The following ADAM12 variants were observed in gnomAD, a reference collection of about 807,000 sequenced individuals.
The protein encoded by ADAM12 is ADAM metallopeptidase domain 12.
ADAM12 carries 70 observed loss-of-function variants against 106.4 expected under a neutral mutation model. The observed-to-expected ratio is 0.66, with a 90% CI of 0.54 to 0.80. The LOEUF (loss-of-function observed/expected upper bound fraction) is 0.80. Among genes scored for constraint, ADAM12 ranks in the 30% least tolerant of loss-of-function variants. The pLI is 0.00. For missense variants in ADAM12, 1,010 were observed against 1,171.9 expected (o/e 0.86, Z 2.02); for synonymous variants, 420 against 433.5 (o/e 0.97, Z 0.39).
intron 3 of ADAM12, among the ~76,000 whole-genome samples, chr10:126,265,943 T>C (rs1310657922): frequency 6.6e-6 from 1 of 152,196 alleles, no homozygotes; most frequent in Admixed American, 6.5e-5. Context: ...GGACATTTGA[T>C]AGTACTATAA....
chr10:126,349,973 T>C (rs1590812842), intron 1 of ADAM12, among the ~76,000 whole-genome samples: 1 of 152,224 alleles, frequency 6.6e-6, no homozygotes, highest in East Asian at 1.9e-4. Flanking sequence ...TATTTGTCTT[T>C]AGAGCCAAGA....
chr10:126,194,786 T>C (rs766157316), intron 3 of ADAM12, among the ~76,000 whole-genome samples: 5 of 152,202 alleles, frequency 3.3e-5, no homozygotes, highest in African/African-American at 4.8e-5. Context: ...TGTTTCTGTA[T>C]TTGCCTGTAA....
At chr10:126,142,533 A>C (rs904059156) in intron 4 of ADAM12, among the ~76,000 whole-genome samples, 4 of 152,230 alleles carry the variant, frequency 2.6e-5, no homozygotes, top group African/African-American at 9.6e-5. Flanking sequence ...TCCTTGCTCC[A>C]TTCTGGTAAA....
intron 1 of ADAM12, among the ~76,000 whole-genome samples, chr10:126,368,106 T>C (rs1287889879): frequency 6.6e-6 from 1 of 151,914 alleles, no homozygotes; most frequent in Non-Finnish European, 1.5e-5. Context: ...AACGTGTGCA[T>C]ATAAGTATAT....
intron 18 of ADAM12, chr10:126,041,295 C>T (rs1405335562): frequency 1.3e-5 from 13 of 983,716 alleles, no homozygotes; most frequent in Non-Finnish European, 1.4e-5. Flanking sequence ...CATGCTTGCT[C>T]ATGGCCTGCC....
intron 2 of ADAM12, among the ~76,000 whole-genome samples, chr10:126,315,876 C>T (rs1404987246): frequency 3.9e-5 from 6 of 152,348 alleles, no homozygotes; most frequent in Middle Eastern, 6.8e-3. Flanking sequence ...ACATGGGCAG[C>T]TAGTGTCTGG....
intron 3 of ADAM12, among the ~76,000 whole-genome samples, chr10:126,247,321 C>T (rs1478281969): frequency 6.6e-6 from 1 of 152,158 alleles, no homozygotes; most frequent in Non-Finnish European, 1.5e-5. Context: ...ATAATATTAA[C>T]TCTTCTCACC....
intron 4 of ADAM12, among the ~76,000 whole-genome samples, chr10:126,136,079 G>A (rs1269135189): frequency 3.5e-5 from 5 of 144,638 alleles, no homozygotes; most frequent in African/African-American, 1.0e-4. Flanking sequence ...CTAAATCTGT[G>A]GCTTATGAAA....
intron 1 of ADAM12, among the ~76,000 whole-genome samples, chr10:126,368,772 T>C (rs757906822): frequency 2.6e-5 from 4 of 151,814 alleles, no homozygotes; most frequent in African/African-American, 4.8e-5. Context: ...AAGTTTAAAA[T>C]GAGGGTAGAG....
In ADAM12 at chr10:126,013,931, G is replaced by A. The variant is rs1028004525; in HGVS notation, c.*3348C>T. 1.8e-4 allele frequency: 28 copies of A among 152,562 alleles called. No individual in the cohort carries two copies. Among genetic ancestry groups the A allele is most frequent in the African/African-American group, 6.5e-4 (27 of 41,562 alleles). 9.5% of individuals were successfully genotyped at this position (152,562 alleles called of 1,614,324 possible). On this transcript the variant is annotated 3_prime_UTR_variant, in exon 23 of 23. Coordinates refer to ENST00000448723, the MANE Select transcript of ADAM12 (RefSeq NM_001288973.2). This position sits in a 1 kb window ranked among gnomAD's most constrained non-coding sequence, Gnocchi z 4.3. ...ACTAGTGTTGGGAGACTTCTGGGAG[G>A]GATTGTGACTTTCAGCTGGGTAACT... is the stretch of plus-strand genomic sequence containing the variant.
intron 11 of ADAM12, among the ~76,000 whole-genome samples, chr10:126,081,810 T>C (rs1224362160): frequency 6.6e-6 from 1 of 152,236 alleles, no homozygotes; most frequent in Non-Finnish European, 1.5e-5. Flanking sequence ...TGTCTTTCTT[T>C]CTCCCATTGG....
intron 2 of ADAM12, among the ~76,000 whole-genome samples, chr10:126,310,973 T>G (rs1477046715): frequency 6.6e-6 from 1 of 152,094 alleles, no homozygotes; most frequent in African/African-American, 2.4e-5. Context: ...AATGCCAGTC[T>G]TCATTAAGGG....
At chr10:126,174,828 C>T (rs1439946863) in intron 3 of ADAM12, among the ~76,000 whole-genome samples, 1 of 151,584 alleles carries the variant, frequency 6.6e-6, no homozygotes, top group Non-Finnish European at 1.5e-5. Flanking sequence ...TCTCGGCTCA[C>T]TGCAAGCTCC....
At chr10:126,255,842 C>T (rs1459900145) in intron 3 of ADAM12, among the ~76,000 whole-genome samples, 3 of 152,214 alleles carry the variant, frequency 2.0e-5, no homozygotes, top group African/African-American at 7.2e-5. Context: ...GAGGCACACG[C>T]CTGGTCATTA....
At chr10:126,387,894 G>T (rs1436711079) in intron 1 of ADAM12, among the ~76,000 whole-genome samples, 164 bp downstream of exon 1, 2 of 147,378 alleles carry the variant, frequency 1.4e-5, no homozygotes, top group Non-Finnish European at 1.5e-5. Flanking sequence ...GCACCTGGGG[G>T]GGGGGGGTCG....
chr10:126,177,691 C>G (rs899685574), intron 3 of ADAM12, among the ~76,000 whole-genome samples: 1 of 152,170 alleles, frequency 6.6e-6, no homozygotes, highest in South Asian at 2.1e-4. Context: ...AATGCGGATA[C>G]AAATCGGCAA....
intron 6 of ADAM12, among the ~76,000 whole-genome samples, chr10:126,115,488 G>C (rs2133614641): frequency 6.6e-6 from 1 of 152,258 alleles, no homozygotes. Context: ...CCCTTCGAGG[G>C]GCAGCCTGGG....
At chr10:126,355,819 T>A (rs1384955086) in intron 1 of ADAM12, among the ~76,000 whole-genome samples, 6 of 152,156 alleles carry the variant, frequency 3.9e-5, no homozygotes, top group African/African-American at 1.4e-4. Flanking sequence ...ACTGGTGATA[T>A]CTCTGTGTAT....
chr10:126,051,610 C>T (rs1314207960), intron 14 of ADAM12, among the ~76,000 whole-genome samples: 2 of 138,926 alleles, frequency 1.4e-5, no homozygotes, highest in African/African-American at 5.1e-5. Flanking sequence ...GCCACCTGTC[C>T]ATCCATCCAG....
Sources: allele counts gnomAD v4.1 joint callset (sites outside exome capture counted in the v4.1 genomes callset), GRCh38; gene constraint gnomAD v4.1.1; non-coding constraint Gnocchi (gnomAD v3.1); transcripts MANE v1.5; gene names NCBI Gene and HGNC (gene_info 2026-07-23, HGNC 2026-07-21).